The following IL1R1 variants were observed in gnomAD, a reference collection of about 807,000 sequenced individuals.
IL1R1 encodes the protein interleukin-1 receptor type 1.
Under a neutral mutation model 50.2 loss-of-function variants are expected in IL1R1, and 22 were observed. The observed-to-expected ratio is 0.44, with a 90% confidence interval of 0.31 to 0.63. The LOEUF (loss-of-function observed/expected upper bound fraction) is 0.63. Ranked by LOEUF, IL1R1 falls within the 20% of genes least tolerant of loss-of-function variation. The pLI, the probability that IL1R1 is intolerant of heterozygous loss-of-function variation, is 0.07. For missense variants in IL1R1, 509 were observed against 676.2 expected (o/e 0.75, Z 2.74); for synonymous variants, 251 against 236.7 (o/e 1.06, Z -0.55).
chr2:102,145,001 A>G (rs981790743), intron 1 of IL1R1, among the ~76,000 whole-genome samples: 1 of 152,224 alleles, frequency 6.6e-6, no homozygotes, highest in Non-Finnish European at 1.5e-5. Flanking sequence ...CTGAGTGTCC[A>G]CCTGCAAGCT....
chr2:102,156,352 C>G (rs1490957070), intron 2 of IL1R1: 2 of 152,558 alleles, frequency 1.3e-5, no homozygotes, highest in Non-Finnish European at 2.9e-5. Flanking sequence ...TTTTACTGCT[C>G]TGAGGTAGGT....
At chr2:102,176,325 T>A (rs112972404) in intron 11 of IL1R1, 28 bp from the exon 12 acceptor site, 10 of 1,593,880 alleles carry the variant, frequency 6.3e-6, no homozygotes, top group Non-Finnish European at 8.6e-6. Flanking sequence ...AGAATTTTAC[T>A]TACTATATTG....
intron 3 of IL1R1, among the ~76,000 whole-genome samples, chr2:102,162,545 C>T (rs1421882447): frequency 1.3e-5 from 2 of 150,126 alleles, no homozygotes; most frequent in East Asian, 3.9e-4. Flanking sequence ...TGCTTTTTGG[C>T]TTTTTAGTCA....
At chr2:102,088,460 C>G (rs1411456157) in intron 1 of IL1R1, among the ~76,000 whole-genome samples, 1 of 152,020 alleles carries the variant, frequency 6.6e-6, no homozygotes, top group African/African-American at 2.4e-5. Flanking sequence ...CAACAGTGGG[C>G]TTAAAATATT....
Position 102,108,151 on chromosome 2 carries a change from A to G in IL1R1, c.-84+3279A>G, listed in dbSNP as rs150254112. Among the ~76,000 whole-genome samples the G allele has an allele frequency of 5.9e-5, 9 of 152,038 alleles. No homozygotes were observed. The East Asian group carries it at 1.4e-3, about 23-fold the overall frequency. ...ATAAATCTAACCTTCTAAAATATAT[A>G]GTTTCTGGAGAGCTGCATGCTGAAA... On this transcript the variant is annotated intron_variant, in intron 1 of 10. Transcript: ENST00000409329.
intron 1 of IL1R1, among the ~76,000 whole-genome samples, chr2:102,122,498 A>C (rs1463808767): frequency 1.3e-5 from 2 of 152,042 alleles, no homozygotes; most frequent in Non-Finnish European, 2.9e-5. Context: ...AACTGAATCT[A>C]AAAAAAACAG....
intron 1 of IL1R1, among the ~76,000 whole-genome samples, chr2:102,110,291 A>G (rs1226026717): frequency 6.6e-6 from 1 of 152,166 alleles, no homozygotes; most frequent in Non-Finnish European, 1.5e-5. Context: ...TATTTCAGGC[A>G]ATGTTGCGAC....
chr2:102,078,819 T>A (rs1295667844), intron 1 of IL1R1, among the ~76,000 whole-genome samples: 1 of 152,104 alleles, frequency 6.6e-6, no homozygotes, highest in Non-Finnish European at 1.5e-5. Context: ...ATATCCCTGA[T>A]GAATACAGAC....
At chr2:102,125,545 A>G (rs1185339566) in intron 1 of IL1R1, among the ~76,000 whole-genome samples, 3 of 152,190 alleles carry the variant, frequency 2.0e-5, no homozygotes, top group Non-Finnish European at 4.4e-5. Flanking sequence ...TAGATAGGCA[A>G]GATACAAGGA....
At chr2:102,172,477 G>T in intron 8 of IL1R1, 2 of 1,183,468 alleles carry the variant, frequency 1.7e-6, no homozygotes, top group African/African-American at 1.6e-5. Flanking sequence ...TGCTTTCTCT[G>T]CTACTGAGCC....
intron 1 of IL1R1, among the ~76,000 whole-genome samples, chr2:102,092,372 T>TA (rs1015465719): frequency 8.5e-5 from 13 of 152,056 alleles, no homozygotes; most frequent in African/African-American, 2.7e-4. Flanking sequence ...CTTTGATTCT[T>TA]AAAAAAAATA....
At chr2:102,106,666 CTG>C (rs1680431109) in intron 1 of IL1R1, among the ~76,000 whole-genome samples, 1 of 152,168 alleles carries the variant, frequency 6.6e-6, no homozygotes, top group African/African-American at 2.4e-5. Flanking sequence ...GAGGTAAACA[CTG>C]TTAACATTTT....
chr2:102,176,363 G>T lies in IL1R1; in HGVS notation c.1314G>T (p.Glu438Asp), dbSNP rs1053810501. ...RDDYVGEDIVEVINENVKKSR... is the reference protein window; with the variant it reads ...RDDYVGEDIVDVINENVKKSR... ...CTTCCTGTTTTTCAGACATTGTTGA[G>T]GTCATTAATGAAAACGTAAAGAAAA... Residue 438 changes from glutamate to aspartate, a missense_variant, in exon 12 of 12, where the codon GAG becomes GAT. By Grantham distance (45) the Glu-to-Asp change is conservative. Coordinates refer to ENST00000410023, the MANE Select transcript of IL1R1 (RefSeq NM_000877.4). The T allele has an allele frequency of 1.2e-6, 2 of 1,613,448 alleles. No individual in the cohort carries two copies. The highest frequency in any genetic ancestry group is 2.7e-5 in the African/African-American group (2 of 74,852).
At chr2:102,133,901 C>CAA (rs10566008) in intron 1 of IL1R1, among the ~76,000 whole-genome samples, 1,496 of 141,616 alleles carry the variant, frequency 0.011, 24 homozygotes, top group South Asian at 0.096. Context: ...CTAGCTGGTG[C>CAA]AAAAAAAAAA....
intron 1 of IL1R1, among the ~76,000 whole-genome samples, chr2:102,105,800 C>A (rs1021274599): frequency 2.6e-5 from 4 of 152,170 alleles, no homozygotes; most frequent in Non-Finnish European, 4.4e-5. Flanking sequence ...ATATTTTTCT[C>A]CCCCCTTCAG....
chr2:102,158,904 T>C (rs748323128), intron 3 of IL1R1, among the ~76,000 whole-genome samples: 6 of 152,148 alleles, frequency 3.9e-5, no homozygotes, highest in Non-Finnish European at 5.9e-5. Context: ...GAAATGTTGA[T>C]GGCTTGTCAA....
At chr2:102,086,881 T>G (rs1041340239) in intron 1 of IL1R1, among the ~76,000 whole-genome samples, 2 of 152,222 alleles carry the variant, frequency 1.3e-5, no homozygotes, top group African/African-American at 2.4e-5. Flanking sequence ...GTGACCTACA[T>G]TTTTGAAGCC....
chr2:102,083,599 T>A (rs1395926518), intron 1 of IL1R1, among the ~76,000 whole-genome samples: 1 of 152,120 alleles, frequency 6.6e-6, no homozygotes, highest in Non-Finnish European at 1.5e-5. Context: ...TACCTAAAAC[T>A]ATAGTTAGTA....
chr2:102,086,183 T>C (rs1213721445), intron 1 of IL1R1, among the ~76,000 whole-genome samples: 2 of 152,200 alleles, frequency 1.3e-5, no homozygotes, highest in African/African-American at 2.4e-5. Context: ...AATAATGGCA[T>C]TAATTTTTAA....
Sources: gnomAD v4.1 joint callset for allele counts (sites outside exome capture counted in the v4.1 genomes callset) on GRCh38, gnomAD v4.1.1 for gene constraint, MANE v1.5 for transcripts, NCBI Gene and HGNC (gene_info 2026-07-23, HGNC 2026-07-21) for gene names.